The following CSNK1D variants were observed in gnomAD, a reference collection of about 807,000 sequenced individuals.
CSNK1D encodes the protein casein kinase 1 delta.
CSNK1D carries 16 observed loss-of-function variants against 46.6 expected under a neutral mutation model. The observed-to-expected ratio is 0.34, with a 90% CI of 0.23 to 0.52. The LOEUF is 0.52. CSNK1D is among the 20% of genes least tolerant of loss of function. The pLI is 0.95. For synonymous variants in CSNK1D, 276 were observed against 228.2 expected, an observed-to-expected ratio of 1.21 and a Z score of -1.89; for missense variants, 398 against 578.4, an observed-to-expected ratio of 0.69 and a Z score of 3.20.
At chr17:82,240,719 G>A (rs2050731093), downstream of CSNK1D, among the ~76,000 whole-genome samples, 1 of 152,234 alleles carries the variant, frequency 6.6e-6, no homozygotes, top group South Asian at 2.1e-4. Flanking sequence ...GGACAGACAT[G>A]CCTGAGGGAC....
intron 3 of CSNK1D, chr17:82,254,382 G>C: frequency 3.6e-6 from 1 of 280,912 alleles, no homozygotes; most frequent in South Asian, 2.7e-5. Flanking sequence ...AAGCCAGTCA[G>C]CTGAGCCGCC....
At chr17:82,261,741 T>C (rs2051346678) in intron 2 of CSNK1D, among the ~76,000 whole-genome samples, 1 of 152,042 alleles carries the variant, frequency 6.6e-6, no homozygotes, top group African/African-American at 2.4e-5. Context: ...AGGGTCCTGG[T>C]TGTTGATTTT....
rs558431296 is a variant in CSNK1D, at chr17:82,247,215, A to C, written c.1197+1660T>G. The C allele has an allele frequency of 1.1e-4, 109 of 985,452 alleles. 3 individuals carry two copies. In the African/African-American group the frequency reaches 1.8e-3, roughly 16 times the overall value. The allele number at this position is 985,452 out of a possible 1,614,324, so 61.0% of individuals were successfully genotyped here. ...CCACGTTGTATTTCCTCATATGGAA[A>C]ACGAGGGCCTAAGAGCCAGCTGCGG... is the stretch of plus-strand genomic sequence containing the variant. On this transcript the variant is annotated intron_variant, in intron 8 of 8. Transcript: ENST00000314028.
At chr17:82,239,777 C>A (rs1407248382), downstream of CSNK1D, 1 of 395,780 alleles carries the variant, frequency 2.5e-6, no homozygotes, top group Non-Finnish European at 4.4e-6. Flanking sequence ...ACAGGACCCT[C>A]CTGCCTTCCC....
chr17:82,260,706 TGTGACTGATGGTGTACTGACTGAC>T (rs1287135777), intron 2 of CSNK1D, among the ~76,000 whole-genome samples: 1,838 of 142,354 alleles, frequency 0.013, 53 homozygotes, highest in African/African-American at 0.051. Context: ...TACTGACTGA[TGTGACTGATGGTGTACTGACTGAC>T]GGTGTACCGA....
intron 2 of CSNK1D, among the ~76,000 whole-genome samples, chr17:82,262,974 G>A (rs938739441): frequency 1.3e-5 from 2 of 152,222 alleles, no homozygotes; most frequent in South Asian, 2.1e-4. Flanking sequence ...GAGATCAGGA[G>A]TTCAAAACCA....
chr17:82,264,675 A>G (rs1331130738), intron 2 of CSNK1D, among the ~76,000 whole-genome samples: 1 of 152,136 alleles, frequency 6.6e-6, no homozygotes, highest in Non-Finnish European at 1.5e-5. Flanking sequence ...CAGAGGCCTC[A>G]CTCAGGGATC....
chr17:82,273,208 C>T lies in CSNK1D; in HGVS notation c.76+98G>A. On this transcript the variant is annotated intron_variant, in intron 1 of 8. Coordinates refer to ENST00000314028, the MANE Select transcript of CSNK1D (RefSeq NM_001893.6). This position sits in a 1 kb window ranked among gnomAD's most constrained non-coding sequence, Gnocchi z 5.1. The stretch of plus-strand genomic sequence containing the variant: ...GGCGGTGCCGGGACTTGCGCGGAGA[C>T]CCCGCGGGGGCCACCACTTCCTTCC... 2 of 1,256,282 alleles carry T rather than the reference C, an allele frequency of 1.6e-6. No homozygotes were observed. Among genetic ancestry groups the T allele is most frequent in the Non-Finnish European group, 2.2e-6 (2 of 900,642 alleles). 77.8% of individuals were successfully genotyped at this position (1,256,282 alleles called of 1,614,324 possible).
At chr17:82,239,838 AG>A (rs1225897680), downstream of CSNK1D, 1 of 443,988 alleles carries the variant, frequency 2.3e-6, no homozygotes, top group African/African-American at 2.0e-5. Context: ...GTCAGTGCCC[AG>A]GGCTGGTCTT....
In CSNK1D at chr17:82,251,443, C is replaced by T; in HGVS notation, c.821G>A (p.Arg274Gln). Residue 274 changes from arginine (R) to glutamine (Q), a missense_variant, in exon 6 of 9, where the codon CGG becomes CAG. By Grantham distance (43) the Arg-to-Gln change is conservative. Transcript: ENST00000314028. The surrounding 1 kb of genome is among the most constrained non-coding windows in gnomAD (Gnocchi z 4.5). ...GAAGCCCTGGCGATGGAACAGATTC[C>T]GGAAAAGCTGCCGCAGGTACGAGTA... ...PDYSYLRQLF[R>Q]NLFHRQGFSY... The T allele has an allele frequency of 1.9e-6, 3 of 1,614,104 alleles. No individual in the cohort carries two copies. The highest frequency in any genetic ancestry group is 2.5e-6 in the Non-Finnish European group (3 of 1,180,022).
rs1390929026 is a variant in CSNK1D, at chr17:82,244,810, T to C, written c.1219A>G (p.Ser407Gly). The C allele has an allele frequency of 1.2e-6, 2 of 1,613,872 alleles. No individual in the cohort carries two copies. Among genetic ancestry groups the C allele is most frequent in the South Asian group, 1.1e-5 (1 of 91,088 alleles). Residue 407 changes from serine to glycine, a missense_variant, in exon 9 of 9, where the codon AGT becomes GGT. By Grantham distance (56) the Ser-to-Gly change is moderately conservative. This residue lies in a region of CSNK1D where 181 missense variants were observed against 208.0 expected (regional missense o/e 0.87). Transcript: ENST00000314028. Reference protein sequence around the residue: ...TSQIPGRVASSGLQSVVHR With the variant: ...TSQIPGRVASGGLQSVVHR ...CGGTGCACGACAGACTGAAGACCAC[T>C]GGAAGCCACCCGACCAGGAATCTGT...
In CSNK1D at chr17:82,249,957, T is replaced by A; in HGVS notation, c.886-355A>T. 1 of 1,248,962 alleles carries A rather than the reference T, an allele frequency of 8.0e-7. No homozygotes were observed. The highest frequency in any genetic ancestry group is 1.0e-6 in the Non-Finnish European group (1 of 979,228). The allele number at this position is 1,248,962 out of a possible 1,614,324, so 77.4% of individuals were successfully genotyped here. On this transcript the variant is annotated intron_variant, in intron 6 of 8. Coordinates refer to ENST00000314028, the MANE Select transcript of CSNK1D (RefSeq NM_001893.6). This position sits in a 1 kb window ranked among gnomAD's most constrained non-coding sequence, Gnocchi z 6.7. ...AGAAAGAGGAGAGGGACAGGAACCA[T>A]CGGAGGCCAAAGACAGGCCCCAAAT...
intron 3 of CSNK1D, chr17:82,254,070 C>T (rs1311750911): frequency 7.0e-5 from 12 of 172,294 alleles, no homozygotes; most frequent in South Asian, 4.3e-4. Flanking sequence ...GCCGGAGCCT[C>T]GTGAAGCCAG....
chr17:82,255,574 C>G lies in CSNK1D; in HGVS notation c.191G>C (p.Gly64Ala). 6.2e-7 allele frequency: 1 copy of G among 1,614,134 alleles called. No homozygotes were observed. The highest frequency in any genetic ancestry group is 8.5e-7 in the Non-Finnish European group (1 of 1,180,022). ...KIYKMMQGGVGIPTIRWCGAE... is the reference protein window; with the variant it reads ...KIYKMMQGGVAIPTIRWCGAE... ...CCCGCACCATCTGATGGTGGGGATG[C>G]CCACTAGGCAAGGAAATCAGACACA... Residue 64 changes from glycine to alanine, a missense_variant, in exon 3 of 9, where the codon GGC becomes GCC. Physicochemically the swap from Gly to Ala is moderately conservative, Grantham distance 60 (BLOSUM62 0). Around this residue, in one of 2 missense-constraint regions of CSNK1D, gnomAD observed 217 missense variants for 370.3 expected, o/e 0.59. Transcript: ENST00000314028. This position sits in a 1 kb window ranked among gnomAD's most constrained non-coding sequence, Gnocchi z 5.9.
At position 82,273,274 on chromosome 17, in the gene CSNK1D, T is replaced by G. The variant is rs1034209691; in HGVS notation, c.76+32A>C. On this transcript the variant is annotated intron_variant, in intron 1 of 8. Coordinates refer to ENST00000314028, the MANE Select transcript of CSNK1D (RefSeq NM_001893.6). The surrounding 1 kb of genome is among the most constrained non-coding windows in gnomAD (Gnocchi z 5.1). ...CTTGGCAGCCGCAGGGCCCGGGTCTTCGGGCGGCGGGCGGGGGCGGCGGGG... is the reference window on the plus strand; with the variant it reads ...CTTGGCAGCCGCAGGGCCCGGGTCTGCGGGCGGCGGGCGGGGGCGGCGGGG... 3.8e-6 allele frequency: 6 copies of G among 1,589,562 alleles called. No individual in the cohort carries two copies. The highest frequency in any genetic ancestry group is 5.1e-6 in the Non-Finnish European group (6 of 1,169,288).
chr17:82,247,700 G>A (rs1339702608), intron 8 of CSNK1D: 1 of 985,292 alleles, frequency 1.0e-6, no homozygotes, highest in Non-Finnish European at 1.2e-6. Context: ...GCTGTGTCTG[G>A]AGGTGACAGC....
rs1436734895 is a variant in CSNK1D at position 82,246,461 on chromosome 17, A to G, written c.1198-1630T>C. 6.2e-6 allele frequency: 7 copies of G among 1,129,910 alleles called. No individual in the cohort carries two copies. In the South Asian group the frequency reaches 1.2e-4, roughly 20 times the overall value. 70.0% of individuals were successfully genotyped at this position (1,129,910 alleles called of 1,614,324 possible). A position where few individuals can be genotyped will look rare whatever the true frequency, so the allele number is the denominator to read the frequency against. Reference sequence around the variant, plus strand: ...GGGCAGGAGTTGATCAAAGCGAGTCATCGACTGTTGGAATGACAAGGCCTT... The same window carrying G: ...GGGCAGGAGTTGATCAAAGCGAGTCGTCGACTGTTGGAATGACAAGGCCTT... On this transcript the variant is annotated intron_variant, in intron 8 of 8. Transcript: ENST00000314028.
intron 8 of CSNK1D, 22 bp from the exon 9 acceptor site, chr17:82,244,853 A>ATCC (rs766713067): frequency 1.2e-6 from 2 of 1,613,354 alleles, no homozygotes; most frequent in African/African-American, 2.7e-5. Context: ...AAAGCACAGG[A>ATCC]GAAGGTCAGC....
At position 82,243,483 on chromosome 17, in the gene CSNK1D, C is replaced by T. The variant is rs1308128858; in HGVS notation, c.*1298G>A. ...CATGGAGCCTGGGGCAGCACCAGCT[C>T]ACGGAGGCCACCTGCCTTCTGGTGG... On this transcript the variant is annotated 3_prime_UTR_variant, in exon 9 of 9. Transcript: ENST00000314028. 1 of 985,540 alleles carries T rather than the reference C, an allele frequency of 1.0e-6. No individual in the cohort carries two copies. The highest frequency in any genetic ancestry group is 1.1e-4 in the East Asian group (1 of 8,820). 61.0% of individuals were successfully genotyped at this position (985,540 alleles called of 1,614,324 possible).
Sources: gnomAD v4.1 joint callset for allele counts (sites outside exome capture counted in the v4.1 genomes callset) on GRCh38, gnomAD v4.1.1 for gene constraint, gnomAD v4.1.1 regional missense constraint, Gnocchi (gnomAD v3.1) non-coding constraint, MANE v1.5 for transcripts, NCBI Gene and HGNC (gene_info 2026-07-23, HGNC 2026-07-21) for gene names.